LRRTM4: variants seen among roughly 807,000 people sequenced by gnomAD.
The protein encoded by LRRTM4 is leucine-rich repeat transmembrane neuronal protein 4.
Under a neutral mutation model 47.6 loss-of-function variants are expected in LRRTM4, and 25 were observed. That is an observed-to-expected ratio of 0.53 (90% confidence interval 0.38 to 0.73). The LOEUF (loss-of-function observed/expected upper bound fraction) is 0.73. Ranked by LOEUF, LRRTM4 falls within the 30% of genes least tolerant of loss-of-function variation. The pLI is 0.00. For synonymous variants in LRRTM4, 311 were observed against 269.5 expected (o/e 1.15, Z -1.51); for missense variants, 638 against 713.4 (o/e 0.89, Z 1.20).
chr2:77,019,737 T>G (rs1678199520), intron 3 of LRRTM4, among the ~76,000 whole-genome samples: 1 of 152,132 alleles, frequency 6.6e-6, no homozygotes, highest in Admixed American at 6.5e-5. Flanking sequence ...ATTATTATAT[T>G]AATGATACTT....
rs1276518597 is a variant in LRRTM4, at chr2:77,519,508, T to C, written c.361A>G (p.Ile121Val). ...AATGTTTTATTGTGCAGATAAGTAA[T>C]TTTGTTGGAGCTTAGAATTAATTCT... is the stretch of plus-strand genomic sequence containing the variant. ...LKELILSSNK[I>V]TYLHNKTFHP... The change falls in exon 3 of 4, where the codon ATT (isoleucine) becomes GTT (valine). Residue 121 changes from isoleucine (I) to valine (V), a missense_variant. Coordinates refer to ENST00000409884, the MANE Select transcript of LRRTM4 (RefSeq NM_001134745.3). The surrounding 1 kb of genome is among the most constrained non-coding windows in gnomAD (Gnocchi z 4.6). The C allele has an allele frequency of 8.1e-6, 13 of 1,613,418 alleles. No individual in the cohort carries two copies. Among genetic ancestry groups the C allele is most frequent in the South Asian group, 1.1e-5 (1 of 91,062 alleles).
At chr2:76,908,432 C>A (rs1413800956) in intron 3 of LRRTM4, among the ~76,000 whole-genome samples, 1 of 151,024 alleles carries the variant, frequency 6.6e-6, no homozygotes, top group Admixed American at 6.6e-5. Flanking sequence ...AAAACTGGCA[C>A]AAGACAGGGA....
In LRRTM4 at chr2:77,457,100, A is replaced by AT. The variant is rs1379676318; in HGVS notation, c.1551+61217dup. 4.6e-3 allele frequency among the ~76,000 whole-genome samples: 536 copies of AT among 115,922 alleles called. 8 individuals are homozygous for AT. The highest frequency in any genetic ancestry group is 0.015 in the African/African-American group (450 of 30,396). 76.0% of individuals were successfully genotyped at this position (115,922 alleles called of 152,430 possible). A position where few individuals can be genotyped will look rare whatever the true frequency, so the allele number is the denominator to read the frequency against. On this transcript the variant is annotated intron_variant, in intron 3 of 3. Coordinates refer to ENST00000409884, the MANE Select transcript of LRRTM4 (RefSeq NM_001134745.3). ...AGCCTTTGCTTCACTTCTCTTGGTG[A>AT]TTTTTTTTTTCTCAGTGATTTTTAA...
intron 3 of LRRTM4, among the ~76,000 whole-genome samples, chr2:77,057,917 G>T (rs1440426405): frequency 6.6e-6 from 1 of 152,094 alleles, no homozygotes; most frequent in East Asian, 1.9e-4. Context: ...CTAAGAGTTT[G>T]GATGCACGTA....
intron 3 of LRRTM4, among the ~76,000 whole-genome samples, chr2:77,506,288 TA>T (rs1233186670): frequency 2.0e-5 from 3 of 151,682 alleles, no homozygotes; most frequent in African/African-American, 7.2e-5. Context: ...AAGTATGTTT[TA>T]AATTAAGAAG....
At chr2:77,170,650 C>T (rs1256078686) in intron 3 of LRRTM4, among the ~76,000 whole-genome samples, 1 of 152,050 alleles carries the variant, frequency 6.6e-6, no homozygotes, top group Non-Finnish European at 1.5e-5. Context: ...TTATTTCTGG[C>T]AGATATTTGG....
chr2:76,796,752 A>G (rs1675349988), intron 3 of LRRTM4, among the ~76,000 whole-genome samples: 1 of 151,352 alleles, frequency 6.6e-6, no homozygotes, highest in Non-Finnish European at 1.5e-5. Flanking sequence ...AAAGCAGAGC[A>G]CCTCTCCTCC....
chr2:77,171,113 A>T (rs1287944187), intron 3 of LRRTM4, among the ~76,000 whole-genome samples: 2 of 152,080 alleles, frequency 1.3e-5, no homozygotes, highest in African/African-American at 4.8e-5. Flanking sequence ...TTTTGACGGT[A>T]CCAGCTTAAT....
intron 3 of LRRTM4, among the ~76,000 whole-genome samples, chr2:77,016,701 T>G (rs902561825): frequency 3.3e-5 from 5 of 152,036 alleles, no homozygotes; most frequent in Non-Finnish European, 7.4e-5. Context: ...CACTCAGAAA[T>G]GATAAATGGA....
At chr2:77,234,213 T>A (rs1170533401) in intron 3 of LRRTM4, among the ~76,000 whole-genome samples, 2 of 152,172 alleles carry the variant, frequency 1.3e-5, no homozygotes, top group African/African-American at 4.8e-5. Flanking sequence ...ATAAACGAGA[T>A]ATATGTCCTT....
intron 3 of LRRTM4, among the ~76,000 whole-genome samples, chr2:77,088,835 T>A (rs1680820984): frequency 6.6e-6 from 1 of 152,150 alleles, no homozygotes. Flanking sequence ...AAGCGGCATC[T>A]TTTTACTCTC....
At chr2:76,984,003 G>A (rs951061354) in intron 3 of LRRTM4, among the ~76,000 whole-genome samples, 8 of 151,984 alleles carry the variant, frequency 5.3e-5, no homozygotes, top group African/African-American at 1.9e-4. Flanking sequence ...AATTTCCAGT[G>A]TGACTACCTG....
At chr2:76,854,739 A>G (rs72819253) in intron 3 of LRRTM4, among the ~76,000 whole-genome samples, 19,524 of 151,900 alleles carry the variant, frequency 0.13, 1,814 homozygotes, top group East Asian at 0.47. Flanking sequence ...ACTTAACTAA[A>G]CATCTACTAT....
intron 3 of LRRTM4, among the ~76,000 whole-genome samples, chr2:77,366,124 G>T (rs1002614099): frequency 3.4e-5 from 5 of 149,236 alleles, no homozygotes; most frequent in Non-Finnish European, 6.0e-5. Context: ...AACTTTATTA[G>T]AAGAATCATT....
intron 3 of LRRTM4, among the ~76,000 whole-genome samples, chr2:77,171,791 GA>G (rs988268418): frequency 3.3e-5 from 5 of 151,836 alleles, no homozygotes; most frequent in African/African-American, 1.2e-4. Context: ...TTTTATAAAA[GA>G]AAAAGTCATG....
intron 3 of LRRTM4, among the ~76,000 whole-genome samples, chr2:77,144,723 G>A (rs1331428226): frequency 6.6e-6 from 1 of 152,082 alleles, no homozygotes; most frequent in Non-Finnish European, 1.5e-5. Flanking sequence ...TAGCTCCTGA[G>A]CTGTGTGATA....
At chr2:77,330,389 T>C (rs1234655702) in intron 3 of LRRTM4, among the ~76,000 whole-genome samples, 1 of 152,212 alleles carries the variant, frequency 6.6e-6, no homozygotes, top group Non-Finnish European at 1.5e-5. Flanking sequence ...TATTCAATAG[T>C]GCTGATTGCA....
At chr2:77,455,744 C>T (rs77355326) in intron 3 of LRRTM4, among the ~76,000 whole-genome samples, 2,816 of 152,104 alleles carry the variant, frequency 0.019, 86 homozygotes, top group African/African-American at 0.053. Context: ...AACCTCTATA[C>T]GCCAAATTCC....
rs972870417 is a variant in LRRTM4 at position 76,772,317 on chromosome 2, A to T, written c.1552-23401T>A. On this transcript the variant is annotated intron_variant, in intron 3 of 3. Transcript: ENST00000409884. ...CCAGGCTCCAGAAATGTGAGAAATA[A>T]TTTTTTTTAATTAAAGCCACCCAGT... 3.9e-5 allele frequency among the ~76,000 whole-genome samples: 6 copies of T among 152,140 alleles called. No individual in the cohort carries two copies. In the East Asian group the frequency reaches 7.7e-4, roughly 20 times the overall value.
Sources: allele counts gnomAD v4.1 joint callset (sites outside exome capture counted in the v4.1 genomes callset), GRCh38; gene constraint gnomAD v4.1.1; non-coding constraint Gnocchi (gnomAD v3.1); transcripts MANE v1.5; gene names NCBI Gene and HGNC (gene_info 2026-07-23, HGNC 2026-07-21).